Variants in RABGAP1L observed in about 807,000 individuals in gnomAD.
RABGAP1L encodes rab GTPase-activating protein 1-like.
Under a neutral mutation model 137.7 loss-of-function variants are expected in RABGAP1L, and 63 were observed. The observed-to-expected ratio is 0.46, with a 90% confidence interval of 0.37 to 0.56. The LOEUF is 0.56. RABGAP1L is among the 20% of genes least tolerant of loss of function. The probability of loss-of-function intolerance (pLI) is 0.00; values close to 1 mark genes in which losing one functional copy is unlikely to be tolerated. For missense variants in RABGAP1L, 1,095 were observed against 1,244.0 expected, an observed-to-expected ratio of 0.88 and a Z score of 1.80; for synonymous variants, 431 against 433.7, an observed-to-expected ratio of 0.99 and a Z score of 0.08.
chr1:174,500,621 A>G (rs1661171017), intron 13 of RABGAP1L, among the ~76,000 whole-genome samples: 1 of 152,198 alleles, frequency 6.6e-6, no homozygotes, highest in Non-Finnish European at 1.5e-5. Context: ...GGTATAGTAA[A>G]TACAGTTAAA....
In RABGAP1L at chr1:174,575,895, T is replaced by C. The variant is rs1668338496; in HGVS notation, c.1711-61480T>C. ...GATATACCAGCATTTATTATTAAGT[T>C]TAGTGAGGGCAGGGGTAGGTTAGTG... On this transcript the variant is annotated intron_variant, in intron 13 of 25. Coordinates refer to ENST00000681986, the MANE Select transcript of RABGAP1L (RefSeq NM_001366446.1). Among the ~76,000 whole-genome samples, 4 of 152,146 alleles carry C rather than the reference T, an allele frequency of 2.6e-5. No homozygotes were observed. In the South Asian group the frequency reaches 8.3e-4, roughly 32 times the overall value.
At chr1:174,653,767 A>G (rs989536140) in intron 14 of RABGAP1L, among the ~76,000 whole-genome samples, 1 of 152,208 alleles carries the variant, frequency 6.6e-6, no homozygotes, top group African/African-American at 2.4e-5. Flanking sequence ...ACTTTCATTT[A>G]AATGTTTTCT....
At chr1:174,171,620 CCTA>C in intron 1 of RABGAP1L, among the ~76,000 whole-genome samples, 1 of 151,776 alleles carries the variant, frequency 6.6e-6, no homozygotes, top group Non-Finnish European at 1.5e-5. Flanking sequence ...TACCCTTTGA[CCTA>C]CTTATTCCCA....
chr1:174,313,614 T>C (rs1412516835), intron 11 of RABGAP1L, among the ~76,000 whole-genome samples: 2 of 152,154 alleles, frequency 1.3e-5, no homozygotes, highest in Non-Finnish European at 2.9e-5. Flanking sequence ...AGGCTTTCAG[T>C]TTTTCTCCAT....
At chr1:174,504,079 C>T (rs1661595665) in intron 13 of RABGAP1L, among the ~76,000 whole-genome samples, 1 of 151,534 alleles carries the variant, frequency 6.6e-6, no homozygotes, top group African/African-American at 2.4e-5. Flanking sequence ...CTCAAGCCAT[C>T]CTCTCAACTT....
At chr1:174,390,945 A>G (rs1167292629) in intron 12 of RABGAP1L, among the ~76,000 whole-genome samples, 2 of 152,182 alleles carry the variant, frequency 1.3e-5, no homozygotes, top group South Asian at 2.1e-4. Flanking sequence ...AGACAAGAGA[A>G]TGAAAGAAAA....
intron 16 of RABGAP1L, among the ~76,000 whole-genome samples, chr1:174,700,103 A>C (rs903234868): frequency 1.3e-5 from 2 of 152,230 alleles, no homozygotes; most frequent in East Asian, 3.8e-4. Flanking sequence ...TACATTTAAA[A>C]ATTTTTAAAT....
At chr1:174,514,228 C>T (rs1206749356) in intron 13 of RABGAP1L, among the ~76,000 whole-genome samples, 1 of 114,220 alleles carries the variant, frequency 8.8e-6, no homozygotes, top group African/African-American at 3.5e-5. Flanking sequence ...AATCATGAAG[C>T]ATGTGTTATA....
At chr1:174,571,976 A>G (rs1668014059) in intron 13 of RABGAP1L, among the ~76,000 whole-genome samples, 1 of 152,216 alleles carries the variant, frequency 6.6e-6, no homozygotes, top group South Asian at 2.1e-4. Flanking sequence ...CAAATAAAAT[A>G]TAAGAAATTT....
At chr1:174,989,634 C>G (rs1288734607) in intron 25 of RABGAP1L, among the ~76,000 whole-genome samples, 5 of 152,166 alleles carry the variant, frequency 3.3e-5, no homozygotes, top group Non-Finnish European at 7.3e-5. Flanking sequence ...TTTTCTTTCA[C>G]TGTTTAAAGA....
chr1:174,352,308 A>G (rs1683268635), intron 11 of RABGAP1L, among the ~76,000 whole-genome samples: 1 of 151,912 alleles, frequency 6.6e-6, no homozygotes, highest in Non-Finnish European at 1.5e-5. Flanking sequence ...GGCTGTCTTC[A>G]AGGTGACTAA....
chr1:174,598,178 A>C (rs1670116715), intron 13 of RABGAP1L, among the ~76,000 whole-genome samples: 1 of 152,116 alleles, frequency 6.6e-6, no homozygotes, highest in South Asian at 2.1e-4. Flanking sequence ...AAATACAAAA[A>C]TTAGCTGGGC....
rs568702054 is a variant in RABGAP1L at position 174,178,531 on chromosome 1, A to C, written c.-34+18874A>C. On this transcript the variant is annotated intron_variant, in intron 1 of 25. Transcript: ENST00000681986. The stretch of plus-strand genomic sequence containing the variant: ...CATTCTGCCATAAAGACAGATGCAC[A>C]CGTATGTTTATTGCAGCACTATTTA... Among the ~76,000 whole-genome samples the C allele has an allele frequency of 1.1e-4, 17 of 152,352 alleles. No individual in the cohort carries two copies. In the South Asian group the frequency reaches 1.5e-3, roughly 13 times the overall value.
chr1:174,351,316 C>G (rs891056178), intron 11 of RABGAP1L, among the ~76,000 whole-genome samples: 2 of 152,146 alleles, frequency 1.3e-5, no homozygotes, highest in African/African-American at 4.8e-5. Context: ...CCTTTTCCTT[C>G]AGATTGAAGA....
rs74128347 is a variant in RABGAP1L, at chr1:174,326,089, C to G, written c.1465+20962C>G. Among the ~76,000 whole-genome samples the G allele has an allele frequency of 5.8e-3, 877 of 152,298 alleles. 8 individuals carry two copies. Among genetic ancestry groups the G allele is most frequent in the African/African-American group, 0.02 (837 of 41,570 alleles). On this transcript the variant is annotated intron_variant, in intron 11 of 25. Coordinates refer to ENST00000681986, the MANE Select transcript of RABGAP1L (RefSeq NM_001366446.1). ...CAAGCCCACTAAAATAGACTGATCA[C>G]AAACAAACCTAGACTACAAAGACTA...
intron 14 of RABGAP1L, among the ~76,000 whole-genome samples, chr1:174,668,976 G>T (rs1467977610): frequency 1.3e-5 from 2 of 152,044 alleles, no homozygotes; most frequent in Admixed American, 6.6e-5. Context: ...ATTGATTTGA[G>T]TTCCTCATAT....
intron 1 of RABGAP1L, among the ~76,000 whole-genome samples, chr1:174,194,728 T>A (rs928504316): frequency 2.6e-5 from 4 of 152,074 alleles, no homozygotes; most frequent in South Asian, 2.1e-4. Flanking sequence ...TAAAAAGTTA[T>A]AAGAAGAAAA....
At chr1:174,963,729 C>T (rs1343112097) in intron 20 of RABGAP1L, among the ~76,000 whole-genome samples, 2 of 151,968 alleles carry the variant, frequency 1.3e-5, no homozygotes, top group Non-Finnish European at 2.9e-5. Flanking sequence ...TTTATTGGAA[C>T]ACAACCACAC....
rs2148462634 is a variant in RABGAP1L, at chr1:174,219,179, CAGA to C, written c.25_27del (p.Lys9del). On this transcript the variant is annotated inframe_deletion, in exon 2 of 26. Coordinates refer to ENST00000681986, the MANE Select transcript of RABGAP1L (RefSeq NM_001366446.1). ...TGAAATGGAGGTCAGAGCTTCATTA[CAGA>C]AGGTTAGTGGATCATCTGATTCTGT... 1.9e-6 allele frequency: 3 copies of C among 1,603,374 alleles called. No individual in the cohort carries two copies. The highest frequency in any genetic ancestry group is 1.1e-5 in the South Asian group (1 of 88,086).
Sources: allele counts gnomAD v4.1 joint callset (sites outside exome capture counted in the v4.1 genomes callset), GRCh38; gene constraint gnomAD v4.1.1; transcripts MANE v1.5; gene names NCBI Gene and HGNC (gene_info 2026-07-23, HGNC 2026-07-21).